The following ACACB variants were observed in gnomAD, a reference collection of about 807,000 sequenced individuals.
The protein encoded by ACACB is acetyl-CoA carboxylase beta.
In ACACB, 209 loss-of-function variants were observed where a neutral mutation model predicts 278.8. The observed-to-expected ratio is 0.75, with a 90% CI of 0.67 to 0.84. The LOEUF is 0.84. ACACB is among the 40% of genes least tolerant of loss of function. The pLI is 0.00. For synonymous variants in ACACB, 1,174 were observed against 1,285.6 expected (o/e 0.91, Z 1.86); for missense variants, 2,850 against 3,269.0 (o/e 0.87, Z 3.13).
chr12:109,200,262 C>T (rs1387972634), intron 18 of ACACB, among the ~76,000 whole-genome samples: 2 of 151,888 alleles, frequency 1.3e-5, no homozygotes, highest in Non-Finnish European at 2.9e-5. Flanking sequence ...TGTCTCACTG[C>T]AAACTCCGCC....
chr12:109,251,176 G>A (rs1287466678), intron 41 of ACACB, among the ~76,000 whole-genome samples: 1 of 152,158 alleles, frequency 6.6e-6, no homozygotes. Flanking sequence ...GAGATCTTAT[G>A]GGGAAGCTGC....
At chr12:109,223,376 G>A (rs1040795879) in intron 26 of ACACB, among the ~76,000 whole-genome samples, 6 of 152,246 alleles carry the variant, frequency 3.9e-5, no homozygotes, top group South Asian at 2.1e-4. Context: ...GGAGCCCAGC[G>A]CGCTGCAGGG....
At chr12:109,161,718 CAGT>C (rs550055802) in intron 2 of ACACB, among the ~76,000 whole-genome samples, 1 of 144,398 alleles carries the variant, frequency 6.9e-6, no homozygotes, top group Non-Finnish European at 1.5e-5. Context: ...TTTTATGGCT[CAGT>C]AGTATTCTTT....
chr12:109,131,471 A>T (rs1414084625), intron 1 of ACACB: 1 of 152,626 alleles, frequency 6.6e-6, no homozygotes, highest in African/African-American at 2.4e-5. Flanking sequence ...GTGGGAGGAA[A>T]AATCCAAGCA....
In ACACB at chr12:109,135,130, T is replaced by C. The variant is rs900760961; in HGVS notation, c.-9-4267T>C. On this transcript the variant is annotated intron_variant, in intron 1 of 52. Transcript: ENST00000338432. The stretch of plus-strand genomic sequence containing the variant: ...CGGCTACAACATTTTAAATTCCTAC[T>C]GGCAATGGTTAAGAGTTCCAATTTC... Among the ~76,000 whole-genome samples, 30 of 152,330 alleles carry C rather than the reference T, an allele frequency of 2.0e-4. 1 individual carries two copies. The highest frequency in any genetic ancestry group is 6.7e-4 in the African/African-American group (28 of 41,566).
chr12:109,167,621 G>GCATATATATATATATATATATATATATA (rs1408673157), intron 3 of ACACB, among the ~76,000 whole-genome samples: 3 of 77,528 alleles, frequency 3.9e-5, no homozygotes, highest in African/African-American at 1.5e-4. Flanking sequence ...ATATGTATGT[G>GCATATATATATATATATATATATATATA]TATATATATA....
chr12:109,238,292 A>G (rs1053591773), intron 34 of ACACB, among the ~76,000 whole-genome samples: 5 of 148,546 alleles, frequency 3.4e-5, no homozygotes, highest in African/African-American at 7.4e-5. Context: ...CATTGTTAAT[A>G]AAGAGTGGTC....
intron 6 of ACACB, 149 bp from the exon 7 acceptor site, chr12:109,173,983 G>T: frequency 1.7e-6 from 1 of 591,282 alleles, no homozygotes; most frequent in Non-Finnish European, 2.9e-6. Context: ...CCTGACATGA[G>T]GTTAAGCTCC....
chr12:109,179,139 C>T lies in ACACB; in HGVS notation c.1489C>T (p.His497Tyr). ...SPIFLMKLAQHARHLEVQILA... is the reference protein window; with the variant it reads ...SPIFLMKLAQYARHLEVQILA... The stretch of plus-strand genomic sequence containing the variant: ...CATCTTTCTCATGAAGCTGGCCCAG[C>T]ACGCCCGTCACCTGGAAGTTCAGAT... The change falls in exon 10 of 53, where the codon CAC becomes TAC. Residue 497 changes from histidine (H) to tyrosine (Y), a missense_variant. His to Tyr is a moderately conservative substitution (Grantham distance 83, BLOSUM62 2). Coordinates refer to ENST00000338432, the MANE Select transcript of ACACB (RefSeq NM_001093.4). The T allele has an allele frequency of 1.2e-6, 2 of 1,614,018 alleles. No individual in the cohort carries two copies. The highest frequency in any genetic ancestry group is 1.7e-6 in the Non-Finnish European group (2 of 1,179,978).
intron 1 of ACACB, 150 bp downstream of exon 1, chr12:109,116,854 C>G (rs1302699271): frequency 6.6e-6 from 1 of 152,160 alleles, no homozygotes; most frequent in Non-Finnish European, 1.5e-5. Context: ...TTGAAGGAAG[C>G]TAATCAGAAG....
intron 1 of ACACB, among the ~76,000 whole-genome samples, chr12:109,122,152 T>G (rs1331952412): frequency 1.3e-5 from 2 of 152,026 alleles, no homozygotes; most frequent in Non-Finnish European, 2.9e-5. Flanking sequence ...TGGAAAGGGG[T>G]GCAGTGAGCA....
intron 1 of ACACB, among the ~76,000 whole-genome samples, chr12:109,136,675 G>T (rs1307302980): frequency 6.6e-6 from 1 of 152,020 alleles, no homozygotes; most frequent in African/African-American, 2.4e-5. Context: ...AACTATTTTT[G>T]TGTATTTATC....
chr12:109,121,603 A>T (rs2042550681), intron 1 of ACACB, among the ~76,000 whole-genome samples: 1 of 152,166 alleles, frequency 6.6e-6, no homozygotes, highest in African/African-American at 2.4e-5. Flanking sequence ...AGTATGAGGG[A>T]GCAGCCAGCA....
chr12:109,208,187 C>T (rs2045577015), intron 20 of ACACB, among the ~76,000 whole-genome samples: 1 of 151,932 alleles, frequency 6.6e-6, no homozygotes, highest in African/African-American at 2.4e-5. Context: ...CCACGTTATG[C>T]TGCCTGATGA....
At chr12:109,152,381 C>T (rs766655326) in intron 2 of ACACB, among the ~76,000 whole-genome samples, 25 of 152,198 alleles carry the variant, frequency 1.6e-4, no homozygotes, top group Non-Finnish European at 1.0e-4. Flanking sequence ...AATCAGGATA[C>T]AGTGGGTTAC....
chr12:109,120,615 T>C (rs192306736), intron 1 of ACACB, among the ~76,000 whole-genome samples: 63 of 152,242 alleles, frequency 4.1e-4, no homozygotes, highest in South Asian at 2.7e-3. Flanking sequence ...GGGTTCTGGA[T>C]GAATTTGAAC....
chr12:109,139,444 CT>C lies in ACACB; in HGVS notation c.40del (p.Cys14ValfsTer2), dbSNP rs1193560263. 1 of 1,613,980 alleles carries C rather than the reference CT, an allele frequency of 6.2e-7. No homozygotes were observed. The highest frequency in any genetic ancestry group is 1.3e-5 in the African/African-American group (1 of 74,924). On this transcript the variant is annotated frameshift_variant, in exon 2 of 53. Coordinates refer to ENST00000338432, the MANE Select transcript of ACACB (RefSeq NM_001093.4). LOFTEE classifies it high-confidence loss of function. The stretch of plus-strand genomic sequence containing the variant: ...TTTGTCTATCTTGTCTGATTTTCTC[CT>C]GTCTGACCTTTTCCTGGTTAAAAAT... ...LLCLSCLIFS[C>X]LTFSWLKIWG...
rs111219598 is a variant in ACACB at position 109,210,255 on chromosome 12, A to C, written c.3249+902A>C. ...TATGTATATATGTATATATACACACATGTGTGTATATGTACATATACACAC... is the reference window on the plus strand; with the variant it reads ...TATGTATATATGTATATATACACACCTGTGTGTATATGTACATATACACAC... On this transcript the variant is annotated intron_variant, in intron 21 of 52. Coordinates refer to ENST00000338432, the MANE Select transcript of ACACB (RefSeq NM_001093.4). 1.9e-4 allele frequency among the ~76,000 whole-genome samples: 3 copies of C among 16,062 alleles called. 1 individual carries two copies. Among genetic ancestry groups the C allele is most frequent in the Admixed American group, 1.7e-3 (2 of 1,208 alleles). 10.5% of individuals were successfully genotyped at this position (16,062 alleles called of 152,430 possible).
intron 21 of ACACB, among the ~76,000 whole-genome samples, chr12:109,210,980 G>A (rs190480956): frequency 4.1e-4 from 62 of 152,158 alleles, no homozygotes; most frequent in Middle Eastern, 6.8e-3. Context: ...GCCATTCCAG[G>A]GAAGTAAGAA....
Sources: allele counts gnomAD v4.1 joint callset (sites outside exome capture counted in the v4.1 genomes callset), GRCh38; gene constraint gnomAD v4.1.1; transcripts MANE v1.5; gene names NCBI Gene and HGNC (gene_info 2026-07-23, HGNC 2026-07-21).